ACOXL: variants seen among roughly 807,000 people sequenced by gnomAD.
ACOXL encodes the protein acyl-coenzyme A oxidase-like protein.
In ACOXL, 70 loss-of-function variants were observed where a neutral mutation model predicts 71.9. That is an observed-to-expected ratio of 0.97 (90% CI 0.80 to 1.19). ACOXL has a LOEUF of 1.19. Among genes scored for constraint, ACOXL ranks in the 50% most tolerant of loss-of-function variants. ACOXL has a pLI of 0.00. For missense variants in ACOXL, 703 were observed against 736.3 expected (o/e 0.95, Z 0.52); for synonymous variants, 253 against 281.6 (o/e 0.90, Z 1.02).
At chr2:110,873,925 A>T (rs1357982588) in intron 10 of ACOXL, among the ~76,000 whole-genome samples, 1 of 152,224 alleles carries the variant, frequency 6.6e-6, no homozygotes, top group Non-Finnish European at 1.5e-5. Context: ...AGGATGAGGC[A>T]CAGGGTAGCT....
chr2:110,753,936 T>C (rs1056731272), intron 1 of ACOXL, among the ~76,000 whole-genome samples: 4 of 152,308 alleles, frequency 2.6e-5, no homozygotes, highest in Admixed American at 2.0e-4. Flanking sequence ...TATTATTTCA[T>C]TGTGGCTATA....
chr2:110,803,471 C>A (rs144706591), intron 8 of ACOXL, among the ~76,000 whole-genome samples: 15 of 152,196 alleles, frequency 9.9e-5, no homozygotes, highest in Non-Finnish European at 1.9e-4. Flanking sequence ...TAGCCACATG[C>A]AAAAGCATGA....
chr2:110,827,764 G>C (rs988849149), intron 9 of ACOXL, among the ~76,000 whole-genome samples: 2 of 152,116 alleles, frequency 1.3e-5, no homozygotes, highest in African/African-American at 4.8e-5. Context: ...GTGAGGATGA[G>C]GGGAGGAGAG....
chr2:110,750,933 C>T (rs370082916), intron 1 of ACOXL, among the ~76,000 whole-genome samples: 280 of 152,156 alleles, frequency 1.8e-3, no homozygotes, highest in Middle Eastern at 6.8e-3. Flanking sequence ...GATTCGCCTG[C>T]CTTGGCCTCC....
At chr2:111,098,346 T>G (rs1391614741) in intron 17 of ACOXL, 1 of 152,204 alleles carries the variant, frequency 6.6e-6, no homozygotes, top group Non-Finnish European at 1.5e-5. Flanking sequence ...TCTCATAATG[T>G]TTTTTAAAAA....
At chr2:111,061,772 G>A (rs897331036) in intron 16 of ACOXL, among the ~76,000 whole-genome samples, 1 of 152,068 alleles carries the variant, frequency 6.6e-6, no homozygotes, top group Non-Finnish European at 1.5e-5. Context: ...GTTGATGCAC[G>A]TAGACCATGA....
At position 110,782,518 on chromosome 2, in the gene ACOXL, C is replaced by T. The variant is rs1683462265; in HGVS notation, c.76-2214C>T. ...TAAATCAACATCAGAGAATTAATAG[C>T]AAACTCCTATTGTCATTTCCCATGA... is the stretch of plus-strand genomic sequence containing the variant. On this transcript the variant is annotated intron_variant, in intron 2 of 17. Coordinates refer to ENST00000439055, the MANE Select transcript of ACOXL (RefSeq NM_001142807.4). Among the ~76,000 whole-genome samples the T allele has an allele frequency of 2.6e-5, 4 of 152,142 alleles. No homozygotes were observed. In the South Asian group the frequency reaches 8.3e-4, roughly 32 times the overall value.
intron 12 of ACOXL, among the ~76,000 whole-genome samples, chr2:110,948,899 C>T (rs2061221502): frequency 6.6e-6 from 1 of 151,932 alleles, no homozygotes; most frequent in Non-Finnish European, 1.5e-5. Flanking sequence ...TGCAGAGTTA[C>T]TATTCATTGG....
intron 9 of ACOXL, among the ~76,000 whole-genome samples, chr2:110,814,714 A>C (rs1156833042): frequency 1.3e-5 from 2 of 152,208 alleles, no homozygotes; most frequent in African/African-American, 2.4e-5. Context: ...ATAGTATATG[A>C]GGATCATATT....
chr2:111,059,517 T>C (rs1296701306), intron 16 of ACOXL, among the ~76,000 whole-genome samples: 1 of 152,202 alleles, frequency 6.6e-6, no homozygotes, highest in Non-Finnish European at 1.5e-5. Context: ...ATGCACATTT[T>C]TCCCAGGAAG....
At chr2:110,987,407 T>A (rs182841826) in intron 13 of ACOXL, among the ~76,000 whole-genome samples, 190 bp downstream of exon 13, 31 of 152,362 alleles carry the variant, frequency 2.0e-4, no homozygotes, top group African/African-American at 5.3e-4. Context: ...TTGCTCATTC[T>A]GTTCTTTCTC....
At chr2:111,112,910 G>A (rs1481926032) in intron 17 of ACOXL, 1 of 152,206 alleles carries the variant, frequency 6.6e-6, no homozygotes. Context: ...TGGCTCTGAA[G>A]CCGATATCCT....
At chr2:110,996,327 C>T (rs1256306589) in intron 14 of ACOXL, among the ~76,000 whole-genome samples, 2 of 152,102 alleles carry the variant, frequency 1.3e-5, no homozygotes, top group Non-Finnish European at 1.5e-5. Flanking sequence ...AAGAGTACAT[C>T]GTTCTCTAAG....
chr2:111,099,823 A>G (rs2069021009), intron 17 of ACOXL: 1 of 152,220 alleles, frequency 6.6e-6, no homozygotes, highest in Admixed American at 6.5e-5. Context: ...ATTTTAAGGA[A>G]GAAAGCCTTT....
At chr2:110,913,966 TATG>T (rs1174588118) in intron 11 of ACOXL, among the ~76,000 whole-genome samples, 2 of 152,114 alleles carry the variant, frequency 1.3e-5, no homozygotes, top group African/African-American at 4.8e-5. Context: ...GGAATTACAA[TATG>T]AGATGTGGAG....
At chr2:110,900,216 A>T (rs896538687) in intron 10 of ACOXL, among the ~76,000 whole-genome samples, 1 of 134,610 alleles carries the variant, frequency 7.4e-6, no homozygotes, top group Non-Finnish European at 1.7e-5. Context: ...AGTAGAAGAG[A>T]CTTTAACCCT....
intron 10 of ACOXL, among the ~76,000 whole-genome samples, chr2:110,907,969 T>A (rs2059517794): frequency 6.6e-6 from 1 of 152,214 alleles, no homozygotes; most frequent in Admixed American, 6.5e-5. Flanking sequence ...TATGTGTGTG[T>A]GTGAGTGAAA....
chr2:111,110,835 C>A (rs2069894939), intron 17 of ACOXL, among the ~76,000 whole-genome samples: 1 of 152,222 alleles, frequency 6.6e-6, no homozygotes, highest in East Asian at 1.9e-4. Flanking sequence ...TCTCTTGAAT[C>A]TATCTACATT....
intron 1 of ACOXL, among the ~76,000 whole-genome samples, chr2:110,737,203 C>G (rs1402577362): frequency 6.6e-6 from 1 of 152,164 alleles, no homozygotes; most frequent in Non-Finnish European, 1.5e-5. Flanking sequence ...TGAAAAACAG[C>G]CATGCCCTCC....
Sources: gnomAD v4.1 joint callset for allele counts (sites outside exome capture counted in the v4.1 genomes callset) on GRCh38, gnomAD v4.1.1 for gene constraint, MANE v1.5 for transcripts, NCBI Gene and HGNC (gene_info 2026-07-23, HGNC 2026-07-21) for gene names.